The following CPXM2 variants were observed in gnomAD, a reference collection of about 807,000 sequenced individuals.
CPXM2 encodes inactive carboxypeptidase-like protein X2.
In CPXM2, 66 loss-of-function variants were observed where a neutral mutation model predicts 86.1. The ratio of observed to expected loss-of-function variants is 0.77; its 90% CI spans 0.63 to 0.94. CPXM2 has a LOEUF of 0.94. CPXM2 is among the 40% of genes least tolerant of loss of function. The probability of loss-of-function intolerance (pLI) is 0.00; values close to 1 mark genes in which losing one functional copy is unlikely to be tolerated. For synonymous variants in CPXM2, 388 were observed against 400.2 expected (o/e 0.97, Z 0.36); for missense variants, 948 against 1,026.3 (o/e 0.92, Z 1.04).
At chr10:123,796,218 A>C (rs763687240) in intron 6 of CPXM2, among the ~76,000 whole-genome samples, 1 of 152,256 alleles carries the variant, frequency 6.6e-6, no homozygotes. Context: ...AACTGGGCAC[A>C]TTCTTTGTAC....
intron 4 of CPXM2, among the ~76,000 whole-genome samples, chr10:123,825,323 G>A (rs1430082263): frequency 4.6e-5 from 7 of 152,278 alleles, no homozygotes; most frequent in South Asian, 4.1e-4. Context: ...TTCCCAGCAC[G>A]TTAATGTTTG....
chr10:123,782,756 T>C (rs528741023), intron 6 of CPXM2, among the ~76,000 whole-genome samples: 157 of 152,236 alleles, frequency 1.0e-3, no homozygotes, highest in African/African-American at 3.7e-3. Context: ...TGAACCAGAG[T>C]GACTCCATCT....
intron 2 of CPXM2, among the ~76,000 whole-genome samples, chr10:123,909,425 C>T (rs533097301): frequency 2.0e-5 from 3 of 152,186 alleles, no homozygotes; most frequent in Non-Finnish European, 4.4e-5. Flanking sequence ...TTAACTAGTG[C>T]CATGCCCAGC....
At chr10:123,942,870 A>G (rs111977003), upstream of CPXM2, among the ~76,000 whole-genome samples, 392 of 152,338 alleles carry the variant, frequency 2.6e-3, 1 homozygote, top group African/African-American at 9.0e-3. Context: ...GACCACATAT[A>G]TGATGATGGT....
rs373382097 is a variant in CPXM2 at position 123,833,166 on chromosome 10, G to A, written c.653+9183C>T. On this transcript the variant is annotated intron_variant, in intron 4 of 13. Coordinates refer to ENST00000241305, the MANE Select transcript of CPXM2 (RefSeq NM_198148.3). ...AGACTAAGACAGAAGGTTAAGCCAC[G>A]TTACTTGGGCTTTCTAAACCTGTTT... Among the ~76,000 whole-genome samples, 43 of 152,284 alleles carry A rather than the reference G, an allele frequency of 2.8e-4. No individual in the cohort carries two copies. The East Asian group carries it at 6.6e-3, about 23-fold the overall frequency.
At chr10:123,857,809 G>A (rs1414890183) in intron 3 of CPXM2, among the ~76,000 whole-genome samples, 1 of 152,210 alleles carries the variant, frequency 6.6e-6, no homozygotes, top group African/African-American at 2.4e-5. Flanking sequence ...CAGCTTCCAC[G>A]CTCGCCCCTG....
chr10:123,854,276 C>G (rs182716841), intron 3 of CPXM2, among the ~76,000 whole-genome samples: 1 of 146,990 alleles, frequency 6.8e-6, no homozygotes, highest in African/African-American at 2.5e-5. Context: ...GAAACTCAAG[C>G]CAGTGGTCAG....
intron 2 of CPXM2, among the ~76,000 whole-genome samples, chr10:123,872,412 A>C (rs2134215211): frequency 6.6e-6 from 1 of 152,300 alleles, no homozygotes; most frequent in African/African-American, 2.4e-5. Flanking sequence ...ATTGAGCAAA[A>C]GAAGTCAGAC....
intron 1 of CPXM2, among the ~76,000 whole-genome samples, chr10:123,882,450 T>C (rs1945108572): frequency 6.6e-6 from 1 of 152,176 alleles, no homozygotes; most frequent in African/African-American, 2.4e-5. Flanking sequence ...CAGGGCTCTG[T>C]AAAGGCCTTA....
chr10:123,808,793 A>G (rs1176501403), intron 4 of CPXM2, among the ~76,000 whole-genome samples: 1 of 152,198 alleles, frequency 6.6e-6, no homozygotes, highest in Non-Finnish European at 1.5e-5. Context: ...CCTAGGTCCC[A>G]AAGAACTTCT....
At chr10:123,805,228 A>T (rs1322086506) in intron 4 of CPXM2, among the ~76,000 whole-genome samples, 1 of 151,992 alleles carries the variant, frequency 6.6e-6, no homozygotes, top group Non-Finnish European at 1.5e-5. Context: ...AAATTTTTAA[A>T]ATGACTTATG....
intron 10 of CPXM2, among the ~76,000 whole-genome samples, chr10:123,764,156 A>G (rs1469839470): frequency 1.3e-5 from 2 of 152,036 alleles, no homozygotes; most frequent in Non-Finnish European, 2.9e-5. Flanking sequence ...GTTATTCTTC[A>G]GCTTTTAAAT....
intron 11 of CPXM2, among the ~76,000 whole-genome samples, chr10:123,759,036 C>T (rs770594561): frequency 2.0e-5 from 3 of 152,248 alleles, no homozygotes; most frequent in East Asian, 1.9e-4. Context: ...ACCTTTCACA[C>T]GTCATCAGCA....
chr10:123,770,311 CA>C (rs970779420), intron 8 of CPXM2, among the ~76,000 whole-genome samples: 17 of 151,682 alleles, frequency 1.1e-4, no homozygotes, highest in Admixed American at 8.5e-4. Context: ...ACAAAACAAA[CA>C]AAAAAAACCA....
At chr10:123,770,327 C>T (rs1048513980) in intron 8 of CPXM2, among the ~76,000 whole-genome samples, 12 of 152,132 alleles carry the variant, frequency 7.9e-5, no homozygotes, top group Admixed American at 2.0e-4. Context: ...AAACCACTTC[C>T]GGAGAGGAAC....
chr10:123,912,027 A>G (rs1945492793), intron 2 of CPXM2, among the ~76,000 whole-genome samples: 1 of 152,058 alleles, frequency 6.6e-6, no homozygotes, highest in Non-Finnish European at 1.5e-5. Context: ...AAGAGGACCA[A>G]GCGGGTGACT....
At chr10:123,802,444 G>A (rs755887671) in intron 4 of CPXM2, among the ~76,000 whole-genome samples, 26 of 152,252 alleles carry the variant, frequency 1.7e-4, no homozygotes, top group Non-Finnish European at 2.9e-4. Flanking sequence ...ACCTAGTTTC[G>A]TCTTTGATAA....
chr10:123,761,895 G>T lies in CPXM2; in HGVS notation c.1754C>A (p.Ala585Asp), dbSNP rs1376579257. 1 of 1,613,534 alleles carries T rather than the reference G, an allele frequency of 6.2e-7. No homozygotes were observed. The highest frequency in any genetic ancestry group is 1.1e-5 in the South Asian group (1 of 91,014). ...ACTTCCAGCGACGGTGTGCCAGGAG[G>T]CCCCATTGACAGTGCCCTCCTCCTT... ...FQKEEGTVNGASWHTVAGSLN... is the reference protein window; with the variant it reads ...FQKEEGTVNGDSWHTVAGSLN... Residue 585 changes from alanine to aspartate, a missense_variant, in exon 11 of 14, where the codon GCC (alanine) becomes GAC (aspartate). Physicochemically the swap from Ala to Asp is moderately radical, Grantham distance 126. Transcript: ENST00000241305.
chr10:123,907,477 G>C (rs557407074), intron 2 of CPXM2, among the ~76,000 whole-genome samples: 5 of 152,014 alleles, frequency 3.3e-5, no homozygotes, highest in African/African-American at 1.2e-4. Flanking sequence ...CCACCCTCCC[G>C]CAGCACAGGG....
Sources: allele counts gnomAD v4.1 joint callset (sites outside exome capture counted in the v4.1 genomes callset), GRCh38; gene constraint gnomAD v4.1.1; transcripts MANE v1.5; gene names NCBI Gene and HGNC (gene_info 2026-07-23, HGNC 2026-07-21).